Variants in SNX9 observed in about 807,000 individuals in gnomAD.
SNX9 encodes sorting nexin 9.
In SNX9, 44 loss-of-function variants were observed where a neutral mutation model predicts 89.4. That is an observed-to-expected ratio of 0.49 (90% confidence interval 0.39 to 0.63). The LOEUF is 0.63. Among genes scored for constraint, SNX9 ranks in the 30% least tolerant of loss-of-function variants. The probability of loss-of-function intolerance (pLI) is 0.00; values close to 1 mark genes in which losing one functional copy is unlikely to be tolerated. For missense variants in SNX9, 578 were observed against 736.1 expected (o/e 0.79, Z 2.49); for synonymous variants, 236 against 247.8 (o/e 0.95, Z 0.45).
At position 157,927,233 on chromosome 6, in the gene SNX9, TTTTC is replaced by T. The variant is rs750390920; in HGVS notation, c.1184+26_1184+29del. 118 of 1,565,732 alleles carry T rather than the reference TTTTC, an allele frequency of 7.5e-5. No homozygotes were observed. The highest frequency in any genetic ancestry group is 9.5e-5 in the Non-Finnish European group (108 of 1,136,626). On this transcript the variant is annotated intron_variant, in intron 11 of 17. Coordinates refer to ENST00000392185, the MANE Select transcript of SNX9 (RefSeq NM_016224.5). ...TAGAAATGTGAGAGACGCTGCCAGG[TTTTC>T]TTTCTTCTCAATCCGCACCCTCCTC...
intron 16 of SNX9, 37 bp downstream of exon 16, chr6:157,938,784 GTT>G (rs34533409): frequency 9.4e-6 from 14 of 1,496,008 alleles, no homozygotes; most frequent in Middle Eastern, 1.8e-4. Context: ...GCTGGTGGAA[GTT>G]TTTTTTTCCC....
At chr6:157,934,038 A>G (rs1030967910) in intron 13 of SNX9, 1 of 152,240 alleles carries the variant, frequency 6.6e-6, no homozygotes, top group Non-Finnish European at 1.5e-5. Flanking sequence ...AGTGTGGAGT[A>G]CTGTGTCCAT....
rs562429442 is a variant in SNX9 at position 157,916,170 on chromosome 6, G to A, written c.950-5361G>A. On this transcript the variant is annotated intron_variant, in intron 9 of 17. Transcript: ENST00000392185. ...GTGCCTCAGCCTCCCGAGTAGCTGG[G>A]ACTACAGGCACCCGCCACCACGCCC... Among the ~76,000 whole-genome samples the A allele has an allele frequency of 7.5e-4, 114 of 152,116 alleles. 1 individual carries two copies. The South Asian group carries it at 0.023, about 30-fold the overall frequency.
chr6:157,937,996 G>T (rs1020116264), intron 15 of SNX9, among the ~76,000 whole-genome samples: 1 of 152,230 alleles, frequency 6.6e-6, no homozygotes, highest in South Asian at 2.1e-4. Flanking sequence ...CGAAATGTAT[G>T]CCAGCAGCAT....
At chr6:157,894,198 C>T (rs1476079923) in intron 4 of SNX9, among the ~76,000 whole-genome samples, 3 of 146,856 alleles carry the variant, frequency 2.0e-5, no homozygotes, top group African/African-American at 7.6e-5. Context: ...CAATCTCCGC[C>T]TCCTGGATTC....
rs561610147 is a variant in SNX9 at position 157,902,162 on chromosome 6, T to A, written c.620+117T>A. ...TCCCTTTCCAGTGATCTCCTAAGTT[T>A]TGGATATGATTCAGTTATTTTTATT... On this transcript the variant is annotated intron_variant, in intron 6 of 17. Coordinates refer to ENST00000392185, the MANE Select transcript of SNX9 (RefSeq NM_016224.5). 3.1e-5 allele frequency: 27 copies of A among 871,738 alleles called. No homozygotes were observed. The South Asian group carries it at 7.8e-4, about 25-fold the overall frequency. The allele number at this position is 871,738 out of a possible 1,614,324, so 54.0% of individuals were successfully genotyped here. A position where few individuals can be genotyped will look rare whatever the true frequency, so the allele number is the denominator to read the frequency against.
At chr6:157,855,805 C>T (rs1781998854) in intron 1 of SNX9, among the ~76,000 whole-genome samples, 4 of 152,158 alleles carry the variant, frequency 2.6e-5, no homozygotes, top group South Asian at 2.1e-4. Flanking sequence ...GGCACAGTCT[C>T]GGCTCACTGC....
At chr6:157,830,655 C>T (rs563950152) in intron 1 of SNX9, 9 of 152,258 alleles carry the variant, frequency 5.9e-5, no homozygotes, top group Non-Finnish European at 1.3e-4. Context: ...AACTGCCTGC[C>T]TCTTGTGGCT....
intron 1 of SNX9, among the ~76,000 whole-genome samples, chr6:157,866,698 T>A (rs913458300): frequency 9.9e-5 from 15 of 152,212 alleles, no homozygotes; most frequent in African/African-American, 3.6e-4. Flanking sequence ...ACCCAAATCT[T>A]AAATTTCTGA....
chr6:157,889,375 G>A (rs933086312), intron 4 of SNX9, among the ~76,000 whole-genome samples: 1 of 140,854 alleles, frequency 7.1e-6, no homozygotes, highest in Non-Finnish European at 1.5e-5. Flanking sequence ...AGGTTGCAGT[G>A]AGCCGAGATC....
intron 9 of SNX9, among the ~76,000 whole-genome samples, chr6:157,912,259 C>T (rs1783363790): frequency 6.6e-6 from 1 of 152,170 alleles, no homozygotes; most frequent in Non-Finnish European, 1.5e-5. Context: ...ACAGTGTGTG[C>T]TCCACAGTGT....
At chr6:157,892,501 T>C (rs570637117) in intron 4 of SNX9, among the ~76,000 whole-genome samples, 185 of 150,136 alleles carry the variant, frequency 1.2e-3, no homozygotes, top group African/African-American at 4.4e-3. Context: ...ACCAAAGAGA[T>C]AGAAACAAAC....
At position 157,943,539 on chromosome 6, in the gene SNX9, T is replaced by G. The variant is rs978148184; in HGVS notation, c.*701T>G. On this transcript the variant is annotated 3_prime_UTR_variant, in exon 18 of 18. Transcript: ENST00000392185. ...TGGCCACCCATGTCCTCAGCGACAT[T>G]TCTGATGTGCTGCTCTTATGTGAGG... 9 of 152,326 alleles carry G rather than the reference T, an allele frequency of 5.9e-5. No homozygotes were observed. The highest frequency in any genetic ancestry group is 1.9e-4 in the African/African-American group (8 of 41,466). 9.4% of individuals were successfully genotyped at this position (152,326 alleles called of 1,614,324 possible). A position where few individuals can be genotyped will look rare whatever the true frequency, so the allele number is the denominator to read the frequency against.
chr6:157,849,832 G>A (rs1054158952), intron 1 of SNX9, among the ~76,000 whole-genome samples: 4 of 152,128 alleles, frequency 2.6e-5, no homozygotes, highest in Non-Finnish European at 4.4e-5. Context: ...TTGGTGTGTT[G>A]TGTGCTCTTG....
intron 7 of SNX9, among the ~76,000 whole-genome samples, chr6:157,908,908 C>G (rs894004640): frequency 2.6e-5 from 4 of 152,188 alleles, no homozygotes; most frequent in Non-Finnish European, 5.9e-5. Flanking sequence ...AGAATGGAGG[C>G]CTACCCTCTT....
chr6:157,871,144 C>T (rs570059649), intron 2 of SNX9, among the ~76,000 whole-genome samples: 3 of 151,994 alleles, frequency 2.0e-5, no homozygotes, highest in Non-Finnish European at 4.4e-5. Context: ...TTTTGGAGGC[C>T]GAGGCAGGGG....
intron 17 of SNX9, among the ~76,000 whole-genome samples, chr6:157,942,376 C>T (rs1445120538): frequency 6.6e-6 from 1 of 152,214 alleles, no homozygotes; most frequent in Non-Finnish European, 1.5e-5. Context: ...GCTGTCTGCA[C>T]ACTCAGCAGT....
At chr6:157,936,363 G>A (rs1300156384) in intron 14 of SNX9, among the ~76,000 whole-genome samples, 1 of 152,138 alleles carries the variant, frequency 6.6e-6, no homozygotes, top group Non-Finnish European at 1.5e-5. Flanking sequence ...CCAAAAATTA[G>A]CTGGGTGTAG....
intron 14 of SNX9, among the ~76,000 whole-genome samples, chr6:157,937,222 A>G (rs147175474): frequency 5.3e-4 from 81 of 152,370 alleles, no homozygotes; most frequent in African/African-American, 1.9e-3. Flanking sequence ...CTTAAAAATT[A>G]CATGATGTTT....
Sources: gnomAD v4.1 joint callset for allele counts (sites outside exome capture counted in the v4.1 genomes callset) on GRCh38, gnomAD v4.1.1 for gene constraint, MANE v1.5 for transcripts, NCBI Gene and HGNC (gene_info 2026-07-23, HGNC 2026-07-21) for gene names.